LRRTM3: variants seen among roughly 807,000 people sequenced by gnomAD.
LRRTM3 encodes the protein leucine rich repeat transmembrane neuronal 3.
A neutral mutation model predicts 44.7 loss-of-function variants in LRRTM3; 24 were observed. The observed-to-expected ratio is 0.54, with a 90% CI of 0.39 to 0.76. LRRTM3 has a LOEUF of 0.76. LRRTM3 is among the 30% of genes least tolerant of loss of function. LRRTM3 has a pLI of 0.00. For synonymous variants in LRRTM3, 277 were observed against 278.7 expected (o/e 0.99, Z 0.06); for missense variants, 587 against 702.2 (o/e 0.84, Z 1.85).
At chr10:67,043,135 C>CTTTTT (rs34946963) in intron 2 of LRRTM3, among the ~76,000 whole-genome samples, 1 of 103,754 alleles carries the variant, frequency 9.6e-6, no homozygotes, top group Non-Finnish European at 2.2e-5. Flanking sequence ...CACTTTCTTT[C>CTTTTT]TTTTTTTTTT....
intron 2 of LRRTM3, among the ~76,000 whole-genome samples, chr10:67,091,643 A>C (rs1294216336): frequency 6.6e-6 from 1 of 152,110 alleles, no homozygotes; most frequent in Non-Finnish European, 1.5e-5. Flanking sequence ...AGTCATAGTC[A>C]CTAAGGTGAA....
chr10:66,997,686 A>C (rs1851432524), intron 2 of LRRTM3, among the ~76,000 whole-genome samples: 1 of 152,158 alleles, frequency 6.6e-6, no homozygotes, highest in African/African-American at 2.4e-5. Context: ...CAAGTTTGTC[A>C]TCTAAATACC....
intron 2 of LRRTM3, among the ~76,000 whole-genome samples, chr10:66,930,648 T>C (rs1012428444): frequency 2.6e-5 from 4 of 152,166 alleles, no homozygotes; most frequent in African/African-American, 9.6e-5. Flanking sequence ...CTCAATGCCA[T>C]GGTGCTACTA....
intron 2 of LRRTM3, among the ~76,000 whole-genome samples, chr10:67,071,333 T>TG (rs1463856506): frequency 2.0e-5 from 3 of 150,950 alleles, no homozygotes; most frequent in African/African-American, 7.3e-5. Flanking sequence ...ATTTTGGGTT[T>TG]TTTTTTTTTT....
At chr10:66,947,450 T>C (rs1016731648) in intron 2 of LRRTM3, among the ~76,000 whole-genome samples, 27 of 152,198 alleles carry the variant, frequency 1.8e-4, no homozygotes, top group Non-Finnish European at 3.8e-4. Flanking sequence ...ATGGTTCTGC[T>C]TCTTCTACAT....
intron 2 of LRRTM3, among the ~76,000 whole-genome samples, chr10:67,062,157 T>C (rs1855793745): frequency 6.6e-6 from 1 of 150,756 alleles, no homozygotes. Flanking sequence ...AGGTGGATGA[T>C]ATTTGTATCC....
chr10:67,041,809 G>T (rs931665474), intron 2 of LRRTM3, among the ~76,000 whole-genome samples: 33 of 152,042 alleles, frequency 2.2e-4, no homozygotes, highest in African/African-American at 8.0e-4. Flanking sequence ...AGGAAAGAAT[G>T]ACAATAAAGT....
intron 2 of LRRTM3, chr10:67,015,130 G>T (rs1318207999): frequency 1.3e-5 from 2 of 152,226 alleles, no homozygotes; most frequent in African/African-American, 4.8e-5. Flanking sequence ...CCCATGCTAT[G>T]TAGTTAGGGA....
intron 2 of LRRTM3, among the ~76,000 whole-genome samples, chr10:66,970,742 A>T (rs1480061552): frequency 6.6e-6 from 1 of 152,154 alleles, no homozygotes. Context: ...ATCTCCAGGC[A>T]GAACTATTTC....
intron 2 of LRRTM3, among the ~76,000 whole-genome samples, chr10:66,973,210 C>A (rs1381132377): frequency 1.3e-5 from 2 of 151,978 alleles, no homozygotes; most frequent in African/African-American, 2.4e-5. Context: ...TTATAAATAT[C>A]AAAAATGTCA....
chr10:67,021,741 A>G (rs918907459), intron 2 of LRRTM3, among the ~76,000 whole-genome samples: 5 of 152,182 alleles, frequency 3.3e-5, no homozygotes, highest in South Asian at 4.1e-4. Context: ...AGATTTCTGG[A>G]CTTCTTAAAA....
chr10:67,025,143 A>AG (rs1199138180), intron 2 of LRRTM3, among the ~76,000 whole-genome samples: 4 of 151,144 alleles, frequency 2.6e-5, no homozygotes, highest in African/African-American at 9.8e-5. Context: ...AACAAAAAAA[A>AG]AAAAGAAAGA....
intron 2 of LRRTM3, among the ~76,000 whole-genome samples, chr10:67,064,882 C>T (rs1188514957): frequency 6.6e-6 from 1 of 152,056 alleles, no homozygotes; most frequent in East Asian, 1.9e-4. Flanking sequence ...TTTGCAGGTA[C>T]CTTTAAGCTA....
intron 2 of LRRTM3, among the ~76,000 whole-genome samples, chr10:66,970,943 G>A (rs901843393): frequency 1.3e-5 from 2 of 152,070 alleles, no homozygotes; most frequent in African/African-American, 2.4e-5. Context: ...ATAGAAAGAA[G>A]TTATCTATTA....
intron 2 of LRRTM3, among the ~76,000 whole-genome samples, chr10:67,047,429 G>A (rs931219084): frequency 1.3e-5 from 2 of 152,108 alleles, no homozygotes; most frequent in African/African-American, 2.4e-5. Context: ...TGCTAAGTGT[G>A]AAAGAAAAAC....
chr10:67,068,802 G>A (rs1856252835), intron 2 of LRRTM3, among the ~76,000 whole-genome samples: 1 of 152,228 alleles, frequency 6.6e-6, no homozygotes, highest in Non-Finnish European at 1.5e-5. Context: ...GCTTACGCCT[G>A]TAATCCCAGC....
rs548630620 is a variant in LRRTM3 at position 66,938,577 on chromosome 10, C to A, written c.1536+10125C>A. ...GCTGAGGAGGAGATAGAGAAGCGATCGGTCTTGCTGTCTCAGGGTGGCAGA... is the reference window on the plus strand; with the variant it reads ...GCTGAGGAGGAGATAGAGAAGCGATAGGTCTTGCTGTCTCAGGGTGGCAGA... On this transcript the variant is annotated intron_variant, in intron 2 of 2. Transcript: ENST00000361320. Among the ~76,000 whole-genome samples, 138 of 152,194 alleles carry A rather than the reference C, an allele frequency of 9.1e-4. 1 individual carries two copies. Among genetic ancestry groups the A allele is most frequent in the African/African-American group, 2.8e-3 (118 of 41,534 alleles).
intron 2 of LRRTM3, among the ~76,000 whole-genome samples, chr10:67,062,616 C>T (rs1855825749): frequency 6.6e-6 from 1 of 152,010 alleles, no homozygotes; most frequent in Admixed American, 6.6e-5. Context: ...TCTGGATGAC[C>T]TCAATATTTA....
intron 2 of LRRTM3, among the ~76,000 whole-genome samples, chr10:66,972,773 C>T (rs1247100865): frequency 1.4e-5 from 2 of 140,420 alleles, no homozygotes; most frequent in Non-Finnish European, 3.0e-5. Context: ...TGCAATGGTG[C>T]AATCTCGGCT....
Sources: gnomAD v4.1 joint callset for allele counts (sites outside exome capture counted in the v4.1 genomes callset) on GRCh38, gnomAD v4.1.1 for gene constraint, MANE v1.5 for transcripts, NCBI Gene and HGNC (gene_info 2026-07-23, HGNC 2026-07-21) for gene names.